ABTB3: variants seen among roughly 807,000 people sequenced by gnomAD.
ABTB3 encodes ankyrin repeat and BTB domain containing 3, also known as ankyrin repeat- and BTB/POZ domain-containing protein 3.
chr12:107,541,646 G>A, the ABTB3 span, among the ~76,000 whole-genome samples: 10 of 152,238 alleles, frequency 6.6e-5, no homozygotes, highest in African/African-American at 1.2e-4. Context: ...ATTAATTGAT[G>A]AGGCTCACCC....
the ABTB3 span, among the ~76,000 whole-genome samples, chr12:107,523,193 A>G: frequency 6.6e-6 from 1 of 152,220 alleles, no homozygotes. Flanking sequence ...GGCACTCTCC[A>G]TTAAACTTAC....
At chr12:107,410,203 A>G in the ABTB3 span, among the ~76,000 whole-genome samples, 2 of 150,834 alleles carry the variant, frequency 1.3e-5, no homozygotes, top group African/African-American at 2.5e-5. Flanking sequence ...TTTGTAAGCA[A>G]GTAAATAAAT....
chr12:107,361,071 T>TG, the ABTB3 span, among the ~76,000 whole-genome samples: 3 of 150,960 alleles, frequency 2.0e-5, no homozygotes, highest in Non-Finnish European at 4.4e-5. Flanking sequence ...ATTACAGGTG[T>TG]GAGCCACTGT....
chr12:107,449,190 G>T, the ABTB3 span, among the ~76,000 whole-genome samples: 1 of 152,132 alleles, frequency 6.6e-6, no homozygotes, highest in African/African-American at 2.4e-5. Context: ...TAGCCAGCTG[G>T]GCTCCAGGAA....
chr12:107,657,788 C>A, the ABTB3 span: 7 of 1,519,236 alleles, frequency 4.6e-6, no homozygotes, highest in Non-Finnish European at 6.4e-6. Context: ...TACACAAACA[C>A]AGACAAATTC....
chr12:107,546,921 C>T, the ABTB3 span, among the ~76,000 whole-genome samples: 1 of 152,090 alleles, frequency 6.6e-6, no homozygotes, highest in African/African-American at 2.4e-5. Context: ...AGGCTGGGCA[C>T]AGTGGCTCAC....
At chr12:107,346,849 G>C in the ABTB3 span, among the ~76,000 whole-genome samples, 1 of 152,152 alleles carries the variant, frequency 6.6e-6, no homozygotes, top group Non-Finnish European at 1.5e-5. Context: ...GACTGCTTGC[G>C]GGTAAATAGC....
At chr12:107,611,488 T>A in the ABTB3 span, among the ~76,000 whole-genome samples, 8 of 152,246 alleles carry the variant, frequency 5.3e-5, no homozygotes, top group Admixed American at 2.0e-4. Flanking sequence ...GTGTCTTTTT[T>A]AAAAATCACT....
the ABTB3 span, among the ~76,000 whole-genome samples, chr12:107,544,430 C>T: frequency 1.3e-5 from 2 of 152,186 alleles, no homozygotes; most frequent in Non-Finnish European, 2.9e-5. Context: ...GTGGTGTCCT[C>T]ATGAAGGCAG....
the ABTB3 span, among the ~76,000 whole-genome samples, chr12:107,433,961 C>T: frequency 4.4e-3 from 671 of 152,288 alleles, 3 homozygotes; most frequent in African/African-American, 0.015. Flanking sequence ...AGCTAAAGAG[C>T]TCTCTGGGGT....
the ABTB3 span, among the ~76,000 whole-genome samples, chr12:107,646,147 G>A: frequency 6.6e-6 from 1 of 152,264 alleles, no homozygotes; most frequent in South Asian, 2.1e-4. Context: ...AGCTGTGGGT[G>A]CCATTTGAAT....
chr12:107,435,166 T>C, the ABTB3 span, among the ~76,000 whole-genome samples: 3 of 152,196 alleles, frequency 2.0e-5, no homozygotes, highest in Non-Finnish European at 4.4e-5. Context: ...TGCCTCTGAG[T>C]TCTCCTCCAA....
At chr12:107,494,068 T>C in the ABTB3 span, among the ~76,000 whole-genome samples, 1 of 152,158 alleles carries the variant, frequency 6.6e-6, no homozygotes, top group African/African-American at 2.4e-5. Flanking sequence ...AGGGAGGTAT[T>C]AGGATACTCA....
the ABTB3 span, among the ~76,000 whole-genome samples, chr12:107,345,622 G>A: frequency 6.6e-6 from 1 of 152,326 alleles, no homozygotes; most frequent in East Asian, 1.9e-4. Context: ...GCTGGGGCTA[G>A]ATCAGCTGCT....
At chr12:107,419,527 G>A in the ABTB3 span, among the ~76,000 whole-genome samples, 1 of 152,012 alleles carries the variant, frequency 6.6e-6, no homozygotes, top group Non-Finnish European at 1.5e-5. Flanking sequence ...TCCTCATTCA[G>A]GTCTTCAGGG....
At chr12:107,553,671 G>A in the ABTB3 span, among the ~76,000 whole-genome samples, 1 of 152,156 alleles carries the variant, frequency 6.6e-6, no homozygotes, top group Non-Finnish European at 1.5e-5. Flanking sequence ...GGGCGTGGTG[G>A]CTCAAACCTG....
At chr12:107,644,352 C>T in the ABTB3 span, among the ~76,000 whole-genome samples, 1 of 152,200 alleles carries the variant, frequency 6.6e-6, no homozygotes, top group Non-Finnish European at 1.5e-5. Flanking sequence ...AATGCCCAGG[C>T]TATACATCAG....
chr12:107,610,265 T>G, the ABTB3 span: 1 of 1,614,094 alleles, frequency 6.2e-7, no homozygotes, highest in Non-Finnish European at 8.5e-7. Context: ...AGGACCTGGG[T>G]TTCCGGATGC....
chr12:107,516,060 C>A, the ABTB3 span, among the ~76,000 whole-genome samples: 21 of 147,172 alleles, frequency 1.4e-4, no homozygotes, highest in South Asian at 2.5e-3. Context: ...TGTGTGCGCA[C>A]ACACACACCA....
Sources: allele counts gnomAD v4.1 joint callset (sites outside exome capture counted in the v4.1 genomes callset), GRCh38; gene constraint gnomAD v4.1.1; transcripts MANE v1.5; gene names NCBI Gene and HGNC (gene_info 2026-07-23, HGNC 2026-07-21).